WDR48: variants seen among roughly 807,000 people sequenced by gnomAD.
WDR48 encodes WD repeat-containing protein 48.
Under a neutral mutation model 94.0 loss-of-function variants are expected in WDR48, and 22 were observed. The ratio of observed to expected loss-of-function variants is 0.23; its 90% CI spans 0.17 to 0.33. WDR48 has a LOEUF of 0.33. WDR48 is among the 10% of genes least tolerant of loss of function. The probability of loss-of-function intolerance (pLI) is 1.00; values close to 1 mark genes in which losing one functional copy is unlikely to be tolerated. For synonymous variants in WDR48, 278 were observed against 280.5 expected, an observed-to-expected ratio of 0.99 and a Z score of 0.09; for missense variants, 541 against 813.8, an observed-to-expected ratio of 0.66 and a Z score of 4.08.
intron 8 of WDR48, among the ~76,000 whole-genome samples, chr3:39,075,216 A>G (rs1177243713): frequency 8.4e-6 from 1 of 119,432 alleles, no homozygotes; most frequent in African/African-American, 3.3e-5. Context: ...TTTTTTTAAC[A>G]GTTTTGTAAG....
chr3:39,077,303 C>A, intron 9 of WDR48, 90 bp downstream of exon 9: 3 of 1,424,944 alleles, frequency 2.1e-6, no homozygotes, highest in South Asian at 2.4e-5. Flanking sequence ...CTCAGTGTGG[C>A]CCTAACTCTA....
intron 7 of WDR48, among the ~76,000 whole-genome samples, chr3:39,074,077 C>T (rs939618492): frequency 2.0e-5 from 3 of 152,168 alleles, no homozygotes; most frequent in African/African-American, 7.2e-5. Context: ...TAACAAGTTC[C>T]CAGGGGACGC....
chr3:39,074,972 TA>T, intron 8 of WDR48, 22 bp downstream of exon 8: 1 of 1,608,282 alleles, frequency 6.2e-7, no homozygotes, highest in Non-Finnish European at 8.5e-7. Context: ...GTTAATATTT[TA>T]GTTTTATAAT....
rs9840872 is a variant in WDR48, at chr3:39,065,870, C to G, written c.249C>G (p.Leu83=). The G allele has an allele frequency of 0.014, 21,613 of 1,600,396 alleles. 2,120 individuals carry two copies. In the African/African-American group the frequency reaches 0.23, roughly 17 times the overall value. Residue 83 remains leucine, a synonymous_variant, in exon 3 of 19, where the codon CTC becomes CTG. Transcript: ENST00000302313. The part of the protein sequence containing the change: ...HHTDWVNDIV[L]CCNGKTLISA... ...CTGATTGGGTAAACGACATTGTACT[C>G]TGTTGTAATGGGAAAACATGTAAGT...
intron 9 of WDR48, 67 bp from the exon 10 acceptor site, chr3:39,078,070 C>T: frequency 8.4e-7 from 1 of 1,194,532 alleles, no homozygotes. Flanking sequence ...TTTTTCTTGC[C>T]ACTTTAAACA....
At chr3:39,059,621 G>C (rs1225293977) in intron 1 of WDR48, among the ~76,000 whole-genome samples, 1 of 152,138 alleles carries the variant, frequency 6.6e-6, no homozygotes, top group South Asian at 2.1e-4. Flanking sequence ...AACAAAAGCT[G>C]GTTTGAGTAG....
In WDR48 at chr3:39,084,182, G is replaced by A. The variant is rs2125676001; in HGVS notation, c.1201G>A (p.Val401Met). The A allele has an allele frequency of 6.2e-7, 1 of 1,611,924 alleles. No homozygotes were observed. Among genetic ancestry groups the A allele is most frequent in the East Asian group, 2.2e-5 (1 of 44,740 alleles). ...KACKVEDLGK[V>M]DFEDEIKKRF... The stretch of plus-strand genomic sequence containing the variant: ...ATGTAAAGTTGAAGATCTGGGCAAA[G>A]TGGATTTTGAAGATGAAATTAAGAA... Residue 401 changes from valine (V) to methionine (M), a missense_variant, in exon 12 of 19, where the codon GTG (valine) becomes ATG (methionine). This residue lies in a region of WDR48 where 238 missense variants were observed against 285.3 expected (regional missense o/e 0.83). Coordinates refer to ENST00000302313, the MANE Select transcript of WDR48 (RefSeq NM_020839.4).
intron 14 of WDR48, 137 bp downstream of exon 14, chr3:39,085,747 T>G (rs2034778049): frequency 2.9e-6 from 2 of 696,232 alleles, no homozygotes; most frequent in East Asian, 2.7e-5. Context: ...CTTCCATATC[T>G]CAAAGTAGGA....
At chr3:39,077,302 G>C (rs2034281973) in intron 9 of WDR48, 89 bp downstream of exon 9, 1 of 1,433,100 alleles carries the variant, frequency 7.0e-7, no homozygotes, top group Non-Finnish European at 9.7e-7. Flanking sequence ...GCTCAGTGTG[G>C]CCCTAACTCT....
At chr3:39,078,348 C>A (rs2034338688) in intron 10 of WDR48, 109 bp downstream of exon 10, 1 of 755,632 alleles carries the variant, frequency 1.3e-6, no homozygotes, top group Non-Finnish European at 2.2e-6. Flanking sequence ...CTGATGTAAA[C>A]AAAAGATAAT....
At position 39,066,733 on chromosome 3, in the gene WDR48, T is replaced by C; in HGVS notation, c.352-13T>C. Reference sequence around the variant, plus strand: ...TCTACAGAATAGATCATAGTATGTCTGTTCTATTACAGGATTACGTAAAGG... The same window carrying C: ...TCTACAGAATAGATCATAGTATGTCCGTTCTATTACAGGATTACGTAAAGG... On this transcript the variant is annotated splice_polypyrimidine_tract_variant and intron_variant, in intron 4 of 18. Coordinates refer to ENST00000302313, the MANE Select transcript of WDR48 (RefSeq NM_020839.4). The C allele has an allele frequency of 6.2e-7, 1 of 1,613,976 alleles. No homozygotes were observed.
intron 1 of WDR48, among the ~76,000 whole-genome samples, chr3:39,054,298 T>C (rs985828664): frequency 3.9e-5 from 6 of 152,258 alleles, no homozygotes; most frequent in Admixed American, 3.9e-4. Context: ...TTCATCTGGA[T>C]AATTCTTCGC....
chr3:39,077,375 A>T (rs1044200515), intron 9 of WDR48, among the ~76,000 whole-genome samples, 162 bp downstream of exon 9: 1 of 152,228 alleles, frequency 6.6e-6, no homozygotes, highest in Non-Finnish European at 1.5e-5. Flanking sequence ...AATCCTAAAG[A>T]TCATACTAAA....
chr3:39,070,838 C>A (rs1575409554), intron 7 of WDR48, among the ~76,000 whole-genome samples: 2 of 152,126 alleles, frequency 1.3e-5, no homozygotes, highest in African/African-American at 4.8e-5. Flanking sequence ...GCTATCCCCC[C>A]ACCCCCACAA....
chr3:39,073,937 G>A (rs1270341420), intron 7 of WDR48, among the ~76,000 whole-genome samples: 1 of 152,178 alleles, frequency 6.6e-6, no homozygotes, highest in East Asian at 1.9e-4. Flanking sequence ...AGGCTTGCTG[G>A]CCTAGTGCAG....
At chr3:39,087,049 C>T (rs1216319028) in intron 14 of WDR48, among the ~76,000 whole-genome samples, 1 of 152,170 alleles carries the variant, frequency 6.6e-6, no homozygotes, top group African/African-American at 2.4e-5. Context: ...CCCTGTCCTT[C>T]AGGAGCTGAT....
chr3:39,082,293 T>C (rs2034576657), intron 11 of WDR48, among the ~76,000 whole-genome samples: 1 of 152,086 alleles, frequency 6.6e-6, no homozygotes, highest in Admixed American at 6.5e-5. Context: ...TTTTTTCTTT[T>C]TTTTTTGATA....
intron 1 of WDR48, 66 bp from the exon 2 acceptor site, chr3:39,062,984 G>T: frequency 6.3e-7 from 1 of 1,578,888 alleles, no homozygotes; most frequent in Non-Finnish European, 8.6e-7. Context: ...TTGGCCACTA[G>T]TAGACTATAT....
At chr3:39,059,399 C>T (rs1185765873) in intron 1 of WDR48, among the ~76,000 whole-genome samples, 2 of 152,126 alleles carry the variant, frequency 1.3e-5, no homozygotes, top group Non-Finnish European at 2.9e-5. Context: ...TGGGGGCAGT[C>T]AGTTTGAAAT....
Sources: allele counts gnomAD v4.1 joint callset (sites outside exome capture counted in the v4.1 genomes callset), GRCh38; gene constraint gnomAD v4.1.1; regional missense constraint gnomAD v4.1.1; transcripts MANE v1.5; gene names NCBI Gene and HGNC (gene_info 2026-07-23, HGNC 2026-07-21).